FHIP1A: variants seen among roughly 807,000 people sequenced by gnomAD.
FHIP1A encodes the protein FHF complex subunit HOOK interacting protein 1A.
FHIP1A carries 61 observed loss-of-function variants against 88.6 expected under a neutral mutation model. The ratio of observed to expected loss-of-function variants is 0.69; its 90% CI spans 0.56 to 0.85. FHIP1A has a LOEUF of 0.85. Ranked by LOEUF, FHIP1A falls within the 40% of genes least tolerant of loss-of-function variation. FHIP1A has a pLI of 0.00. For missense variants in FHIP1A, 1,154 were observed against 1,273.5 expected (o/e 0.91, Z 1.43); for synonymous variants, 478 against 496.0 (o/e 0.96, Z 0.48).
chr4:151,625,099 G>T (rs1362162913), intron 7 of FHIP1A, among the ~76,000 whole-genome samples: 1 of 152,164 alleles, frequency 6.6e-6, no homozygotes, highest in Non-Finnish European at 1.5e-5. Context: ...GCAGCAGCGG[G>T]TAGGCTCGTA....
intron 2 of FHIP1A, among the ~76,000 whole-genome samples, chr4:151,481,499 G>A (rs1729893747): frequency 6.6e-6 from 1 of 151,798 alleles, no homozygotes; most frequent in South Asian, 2.1e-4. Flanking sequence ...TCGTTTCCAT[G>A]TTTATTTTTT....
intron 1 of FHIP1A, among the ~76,000 whole-genome samples, chr4:151,429,597 C>T (rs972641982): frequency 1.3e-5 from 2 of 152,086 alleles, no homozygotes; most frequent in East Asian, 1.9e-4. Context: ...GCCTGTAATC[C>T]TGACACTTTG....
intron 1 of FHIP1A, among the ~76,000 whole-genome samples, chr4:151,423,065 G>A (rs914952591): frequency 6.6e-6 from 1 of 152,230 alleles, no homozygotes; most frequent in African/African-American, 2.4e-5. Flanking sequence ...AGCAATTGGA[G>A]AGCTGTAGGC....
chr4:151,523,103 TA>T (rs1261377686), intron 3 of FHIP1A, among the ~76,000 whole-genome samples: 2 of 152,164 alleles, frequency 1.3e-5, no homozygotes, highest in African/African-American at 2.4e-5. Flanking sequence ...TACATTTGGT[TA>T]GGGGGGCTGT....
At chr4:151,628,618 A>G (rs1736041203) in intron 7 of FHIP1A, among the ~76,000 whole-genome samples, 1 of 152,232 alleles carries the variant, frequency 6.6e-6, no homozygotes, top group South Asian at 2.1e-4. Context: ...AAAATGGAAA[A>G]GGGAAAATAA....
At chr4:151,436,153 T>A (rs894530475) in intron 1 of FHIP1A, among the ~76,000 whole-genome samples, 9 of 152,190 alleles carry the variant, frequency 5.9e-5, no homozygotes, top group African/African-American at 2.2e-4. Flanking sequence ...CTGACTAACA[T>A]GGCTGAGCCA....
intron 1 of FHIP1A, among the ~76,000 whole-genome samples, chr4:151,422,172 GA>G (rs1030218504): frequency 1.4e-5 from 2 of 147,026 alleles, no homozygotes; most frequent in South Asian, 2.2e-4. Flanking sequence ...AAATGGGAAA[GA>G]AAAAAAAAGA....
intron 3 of FHIP1A, among the ~76,000 whole-genome samples, chr4:151,536,747 A>T (rs973362451): frequency 5.3e-5 from 8 of 152,224 alleles, no homozygotes; most frequent in Admixed American, 3.3e-4. Flanking sequence ...TTTGGCTCTT[A>T]GAAATAAAAC....
intron 7 of FHIP1A, among the ~76,000 whole-genome samples, chr4:151,623,585 A>G (rs1735834778): frequency 6.9e-6 from 1 of 145,074 alleles, no homozygotes. Context: ...CCAAGTCAGG[A>G]AATAATAGCC....
At chr4:151,435,737 A>G (rs1168036667) in intron 1 of FHIP1A, among the ~76,000 whole-genome samples, 1 of 150,606 alleles carries the variant, frequency 6.6e-6, no homozygotes, top group Non-Finnish European at 1.5e-5. Flanking sequence ...GTGAGCCGAG[A>G]TTGTGCCATT....
At chr4:151,517,175 C>G (rs1016476578) in intron 3 of FHIP1A, among the ~76,000 whole-genome samples, 57 of 152,134 alleles carry the variant, frequency 3.7e-4, no homozygotes, top group African/African-American at 1.4e-3. Flanking sequence ...AATTGGAAAT[C>G]ATCATTCTCA....
At position 151,483,572 on chromosome 4, in the gene FHIP1A, T is replaced by C. The variant is rs146917028; in HGVS notation, c.-123+924T>C. ...ACTTATTGTGTAGACACAAAACAGC[T>C]ATTTATGATTGTGTGCTTTTCTGGG... is the stretch of plus-strand genomic sequence containing the variant. On this transcript the variant is annotated intron_variant, in intron 3 of 13. Transcript: ENST00000435205. Among the ~76,000 whole-genome samples, 108 of 152,244 alleles carry C rather than the reference T, an allele frequency of 7.1e-4. 1 individual carries two copies. The highest frequency in any genetic ancestry group is 2.4e-3 in the African/African-American group (99 of 41,566).
At position 151,439,534 on chromosome 4, in the gene FHIP1A, C is replaced by G. The variant is rs1465498976; in HGVS notation, c.-355-15167C>G. On this transcript the variant is annotated intron_variant, in intron 1 of 13. Coordinates refer to ENST00000435205, the MANE Select transcript of FHIP1A (RefSeq NM_001109977.3). ...GAAAAGCTAGAGTTTTGGAACTCCC[C>G]CTTCTGCCCCAGCTGTCTTTTGTTC... 2.0e-5 allele frequency among the ~76,000 whole-genome samples: 3 copies of G among 152,086 alleles called. No homozygotes were observed. In the South Asian group the frequency reaches 6.2e-4, roughly 31 times the overall value.
At chr4:151,418,544 GT>G (rs1732987283) in intron 1 of FHIP1A, among the ~76,000 whole-genome samples, 1 of 152,170 alleles carries the variant, frequency 6.6e-6, no homozygotes, top group Admixed American at 6.5e-5. Flanking sequence ...AAAATGAGTA[GT>G]TTTGACAGGA....
intron 2 of FHIP1A, among the ~76,000 whole-genome samples, chr4:151,470,761 C>T (rs1476618625): frequency 1.3e-5 from 2 of 152,148 alleles, no homozygotes; most frequent in African/African-American, 4.8e-5. Context: ...CATGTGAAAG[C>T]TCTGTATTCT....
intron 2 of FHIP1A, among the ~76,000 whole-genome samples, chr4:151,481,511 T>A (rs1225262016): frequency 6.6e-6 from 1 of 151,976 alleles, no homozygotes; most frequent in Non-Finnish European, 1.5e-5. Context: ...TTATTTTTTA[T>A]TTTTTTAGAA....
intron 7 of FHIP1A, among the ~76,000 whole-genome samples, chr4:151,618,499 G>A (rs1231280651): frequency 6.6e-6 from 1 of 152,198 alleles, no homozygotes; most frequent in East Asian, 1.9e-4. Flanking sequence ...TGTTTACAAG[G>A]TTTGTGTGGT....
At chr4:151,442,169 G>A (rs1728435808) in intron 1 of FHIP1A, among the ~76,000 whole-genome samples, 1 of 152,124 alleles carries the variant, frequency 6.6e-6, no homozygotes, top group Non-Finnish European at 1.5e-5. Context: ...ACAGGCAGTG[G>A]GAGCCAAGAT....
At chr4:151,552,733 A>T (rs1578744202) in intron 3 of FHIP1A, among the ~76,000 whole-genome samples, 1 of 151,960 alleles carries the variant, frequency 6.6e-6, no homozygotes, top group South Asian at 2.1e-4. Context: ...TAAATGACGA[A>T]TTAATGGGTG....
Sources: gnomAD v4.1 joint callset for allele counts (sites outside exome capture counted in the v4.1 genomes callset) on GRCh38, gnomAD v4.1.1 for gene constraint, MANE v1.5 for transcripts, NCBI Gene and HGNC (gene_info 2026-07-23, HGNC 2026-07-21) for gene names.